The following SYT7 variants were observed in gnomAD, a reference collection of about 807,000 sequenced individuals.
The protein encoded by SYT7 is synaptotagmin-7.
A neutral mutation model predicts 75.1 loss-of-function variants in SYT7; 29 were observed. The observed-to-expected ratio is 0.39, with a 90% CI of 0.29 to 0.53. The LOEUF (loss-of-function observed/expected upper bound fraction) is 0.53, where lower values mean the gene tolerates loss of function less well. SYT7 is among the 20% of genes least tolerant of loss of function. The pLI is 0.77. For synonymous variants in SYT7, 376 were observed against 401.7 expected (o/e 0.94, Z 0.76); for missense variants, 693 against 953.2 (o/e 0.73, Z 3.59).
chr11:61,546,182 C>A lies in SYT7; in HGVS notation c.421G>T (p.Glu141Ter). ...GGTGGCGGCACCGGTGCCGGCTTCT[C>A]CCCCAGCCGGCCTTCCCGCTCCACC... ...LAVEREGRLG[E>*]KPAPVPPPGE... The change falls in exon 5 of 13, where the codon GAG becomes TAG. Residue 141 changes from glutamate to a stop codon, truncating the protein, a stop_gained. Coordinates refer to ENST00000539008, the MANE Select transcript of SYT7 (RefSeq NM_001365809.2). LOFTEE classifies it high-confidence loss of function. This position sits in a 1 kb window ranked among gnomAD's most constrained non-coding sequence, Gnocchi z 7.6. The A allele has an allele frequency of 6.6e-7, 1 of 1,519,946 alleles. No homozygotes were observed. The highest frequency in any genetic ancestry group is 1.2e-5 in the South Asian group (1 of 82,502). 94.2% of individuals were successfully genotyped at this position (1,519,946 alleles called of 1,614,324 possible). A position where few individuals can be genotyped will look rare whatever the true frequency, so the allele number is the denominator to read the frequency against.
At chr11:61,574,498 C>T (rs1455488906) in intron 1 of SYT7, among the ~76,000 whole-genome samples, 1 of 152,168 alleles carries the variant, frequency 6.6e-6, no homozygotes, top group Non-Finnish European at 1.5e-5. Context: ...CAGGGGAGGA[C>T]ACAGGATGTG....
At chr11:61,547,069 G>A (rs1008602445) in intron 4 of SYT7, 108 bp downstream of exon 4, 6 of 1,346,038 alleles carry the variant, frequency 4.5e-6, no homozygotes, top group Non-Finnish European at 6.0e-6. Context: ...ACAGGAGCGA[G>A]AGGAGAGAGG....
At chr11:61,548,389 G>A (rs540570955) in intron 3 of SYT7, among the ~76,000 whole-genome samples, 2 of 152,344 alleles carry the variant, frequency 1.3e-5, no homozygotes, top group East Asian at 3.9e-4. Context: ...GTGGGTGGCA[G>A]AAGCCTTGGC....
At chr11:61,519,968 C>T (rs1360190816) in intron 12 of SYT7, among the ~76,000 whole-genome samples, 1 of 151,944 alleles carries the variant, frequency 6.6e-6, no homozygotes, top group Non-Finnish European at 1.5e-5. Flanking sequence ...TTACAGGCGC[C>T]CGCCACCACG....
At chr11:61,545,708 G>T (rs892193177) in intron 5 of SYT7, among the ~76,000 whole-genome samples, 1 of 152,168 alleles carries the variant, frequency 6.6e-6, no homozygotes, top group African/African-American at 2.4e-5. Flanking sequence ...TGGCTGAGAT[G>T]GGGGGGCCAA....
intron 1 of SYT7, among the ~76,000 whole-genome samples, chr11:61,575,427 GACCTAGTCACAAACAC>G (rs1175613786): frequency 6.6e-6 from 1 of 152,122 alleles, no homozygotes; most frequent in Non-Finnish European, 1.5e-5. Flanking sequence ...GCACAGACCA[GACCTAGTCACAAACAC>G]ACAGGCGAGA....
chr11:61,545,999 G>A (rs1169590329), intron 5 of SYT7, 32 bp downstream of exon 5: 1 of 1,521,296 alleles, frequency 6.6e-7, no homozygotes, highest in Non-Finnish European at 8.8e-7. Context: ...CTGAGCTCAT[G>A]GCTCCGGCAG....
At chr11:61,575,820 AT>A (rs1251344834) in intron 1 of SYT7, among the ~76,000 whole-genome samples, 1 of 152,152 alleles carries the variant, frequency 6.6e-6, no homozygotes, top group Admixed American at 6.5e-5. Context: ...CACAGATATT[AT>A]GGCCATCCAG....
intron 12 of SYT7, among the ~76,000 whole-genome samples, chr11:61,519,484 C>T (rs563190309): frequency 1.3e-4 from 20 of 152,262 alleles, no homozygotes; most frequent in Admixed American, 4.6e-4. Flanking sequence ...TCCTTAAGAC[C>T]GTTAAGATCA....
At chr11:61,520,085 ACC>A (rs2062269969) in intron 12 of SYT7, among the ~76,000 whole-genome samples, 2 of 129,716 alleles carry the variant, frequency 1.5e-5, no homozygotes, top group African/African-American at 9.0e-5. Flanking sequence ...CACACTCCTG[ACC>A]TCGTGATCTG....
chr11:61,543,712 G>A (rs1225485034), intron 5 of SYT7, among the ~76,000 whole-genome samples: 1 of 152,218 alleles, frequency 6.6e-6, no homozygotes, highest in Non-Finnish European at 1.5e-5. Context: ...AGCTCCCCAT[G>A]CCAGTGGTTG....
intron 1 of SYT7, 98 bp from the exon 2 acceptor site, chr11:61,556,305 G>A (rs779485299): frequency 3.5e-5 from 34 of 962,596 alleles, no homozygotes; most frequent in Non-Finnish European, 5.1e-5. Flanking sequence ...CCCTCCATCT[G>A]GCCCCTTCAC....
intron 7 of SYT7, among the ~76,000 whole-genome samples, chr11:61,534,585 C>T (rs757903540): frequency 3.9e-5 from 6 of 152,178 alleles, no homozygotes; most frequent in African/African-American, 9.7e-5. Context: ...AGCGATGGCA[C>T]GCAGGGATCC....
intron 1 of SYT7, among the ~76,000 whole-genome samples, chr11:61,568,241 G>A (rs939618367): frequency 6.6e-6 from 1 of 152,106 alleles, no homozygotes; most frequent in Non-Finnish European, 1.5e-5. Flanking sequence ...GTGTTTCTAG[G>A]GGCTGCTTGA....
chr11:61,587,294 C>T, the SYT7 span, among the ~76,000 whole-genome samples: 5 of 152,194 alleles, frequency 3.3e-5, no homozygotes, highest in Non-Finnish European at 7.3e-5. Context: ...CTCAGGGAGC[C>T]CAGGCCGAGT....
chr11:61,562,794 G>A (rs954485520), intron 1 of SYT7, among the ~76,000 whole-genome samples: 2 of 152,134 alleles, frequency 1.3e-5, no homozygotes, highest in Admixed American at 6.5e-5. Flanking sequence ...GGCCTCAGGT[G>A]TGAACTGCCG....
intron 1 of SYT7, among the ~76,000 whole-genome samples, chr11:61,567,912 G>C (rs2063816728): frequency 6.6e-6 from 1 of 152,238 alleles, no homozygotes; most frequent in Non-Finnish European, 1.5e-5. Context: ...CTTTGGGGCT[G>C]CCTGGGTCAC....
At chr11:61,541,248 T>A in intron 6 of SYT7, 1 of 985,312 alleles carries the variant, frequency 1.0e-6, no homozygotes, top group Non-Finnish European at 1.2e-6. Context: ...TCCTGCTCCG[T>A]GAAAAGTGCT....
rs2062101291 is a variant in SYT7 at position 61,513,837 on chromosome 11, C to T, written c.*4790G>A. Among the ~76,000 whole-genome samples the T allele has an allele frequency of 6.6e-6, 1 of 152,224 alleles. No homozygotes were observed. Among genetic ancestry groups the T allele is most frequent in the Non-Finnish European group, 1.5e-5 (1 of 68,044 alleles). On this transcript the variant is annotated 3_prime_UTR_variant, in exon 13 of 13. Coordinates refer to ENST00000539008, the MANE Select transcript of SYT7 (RefSeq NM_001365809.2). ...CAAGACACGACACATACACGCAGGACACAGACACGGGGAGCGGGGCGTCTT... is the reference window on the plus strand; with the variant it reads ...CAAGACACGACACATACACGCAGGATACAGACACGGGGAGCGGGGCGTCTT...
Sources: allele counts gnomAD v4.1 joint callset (sites outside exome capture counted in the v4.1 genomes callset), GRCh38; gene constraint gnomAD v4.1.1; non-coding constraint Gnocchi (gnomAD v3.1); transcripts MANE v1.5; gene names NCBI Gene and HGNC (gene_info 2026-07-23, HGNC 2026-07-21).